Variants in IL1RAPL2 observed in about 807,000 individuals in gnomAD.
The protein encoded by IL1RAPL2 is X-linked interleukin-1 receptor accessory protein-like 2.
IL1RAPL2 carries 3 observed loss-of-function variants against 44.1 expected under a neutral mutation model. The observed-to-expected ratio is 0.07, with a 90% CI of 0.03 to 0.18. The LOEUF (loss-of-function observed/expected upper bound fraction) is 0.18, where lower values mean the gene tolerates loss of function less well. IL1RAPL2 is among the 10% of genes least tolerant of loss of function. The pLI is 1.00. For missense variants in IL1RAPL2, 391 were observed against 496.4 expected (o/e 0.79, Z 2.02); for synonymous variants, 181 against 178.8 (o/e 1.01, Z -0.10).
At chrX:105,175,590 G>A (rs1428754581) in intron 2 of IL1RAPL2, among the ~76,000 whole-genome samples, 5 of 110,761 alleles carry the variant, frequency 4.5e-5, no homozygotes, top group Admixed American at 2.9e-4. Context: ...TAATGATAAC[G>A]TTAACTAGGT....
At chrX:104,865,338 C>T (rs933415247) in intron 2 of IL1RAPL2, among the ~76,000 whole-genome samples, 2 of 111,375 alleles carry the variant, frequency 1.8e-5, no homozygotes, top group African/African-American at 3.3e-5. Context: ...GATTAGTGTG[C>T]TTCTGGTTGT....
chrX:105,664,699 G>C (rs1290052251), intron 6 of IL1RAPL2, among the ~76,000 whole-genome samples: 1 of 111,865 alleles, frequency 8.9e-6, no homozygotes, highest in Non-Finnish European at 1.9e-5. Context: ...CTCTGGATCA[G>C]AGGGCCATAA....
chrX:104,643,503 C>T (rs1359683486), intron 1 of IL1RAPL2, among the ~76,000 whole-genome samples: 2 of 111,476 alleles, frequency 1.8e-5, no homozygotes, highest in African/African-American at 3.3e-5. Context: ...GTGTGGTGAA[C>T]CAGTTGCTAC....
chrX:104,615,664 T>C lies in IL1RAPL2; in HGVS notation c.-19-43231T>C, dbSNP rs189319538. On this transcript the variant is annotated intron_variant, in intron 1 of 10. Coordinates refer to ENST00000372582, the MANE Select transcript of IL1RAPL2 (RefSeq NM_017416.2). ...TAGGTTGATTCCATGTATTTGCTAT[T>C]GTGAATAGTGCTGCAATGAACAATT... Among the ~76,000 whole-genome samples the C allele has an allele frequency of 1.4e-3, 156 of 111,974 alleles. 2 individuals carry two copies. Among genetic ancestry groups the C allele is most frequent in the Non-Finnish European group, 2.0e-3 (104 of 53,267 alleles).
intron 1 of IL1RAPL2, among the ~76,000 whole-genome samples, chrX:104,600,904 G>A (rs1401493472): frequency 2.7e-5 from 3 of 111,259 alleles, no homozygotes; most frequent in Non-Finnish European, 5.7e-5. Context: ...CATTTTCTTT[G>A]TCCAGTCCAC....
chrX:104,987,323 A>G (rs1253417452), intron 2 of IL1RAPL2, among the ~76,000 whole-genome samples: 2 of 110,652 alleles, frequency 1.8e-5, no homozygotes, highest in African/African-American at 6.6e-5. Flanking sequence ...GTGTGATACA[A>G]GCTTCTGGCA....
At chrX:105,480,239 C>T (rs2036225471) in intron 5 of IL1RAPL2, among the ~76,000 whole-genome samples, 1 of 111,872 alleles carries the variant, frequency 8.9e-6, no homozygotes, top group Admixed American at 9.5e-5. Flanking sequence ...GGAAATTGAC[C>T]AATCATTTCA....
At chrX:105,108,274 A>G (rs973459467) in intron 2 of IL1RAPL2, among the ~76,000 whole-genome samples, 6 of 111,592 alleles carry the variant, frequency 5.4e-5, no homozygotes, top group African/African-American at 2.0e-4. Flanking sequence ...GTACTTGACT[A>G]TACTCCTCTT....
chrX:105,086,139 A>G (rs753073533), intron 2 of IL1RAPL2, among the ~76,000 whole-genome samples: 3 of 111,692 alleles, frequency 2.7e-5, no homozygotes, highest in Admixed American at 1.9e-4. Flanking sequence ...CAGTATGTCA[A>G]AGAGATATCT....
At chrX:105,046,781 C>T (rs962039681) in intron 2 of IL1RAPL2, among the ~76,000 whole-genome samples, 1 of 104,907 alleles carries the variant, frequency 9.5e-6, no homozygotes, top group Non-Finnish European at 1.9e-5. Context: ...TTTCATTGTC[C>T]TTTCTCTACA....
intron 6 of IL1RAPL2, among the ~76,000 whole-genome samples, chrX:105,660,007 T>C (rs1013831625): frequency 1.2e-4 from 13 of 111,305 alleles, no homozygotes; most frequent in African/African-American, 3.6e-4. Context: ...TAGAAGAAGA[T>C]ATAAATATTC....
intron 5 of IL1RAPL2, among the ~76,000 whole-genome samples, chrX:105,355,506 A>G (rs2035195153): frequency 9.0e-6 from 1 of 111,174 alleles, no homozygotes; most frequent in South Asian, 3.8e-4. Context: ...CCTTTACCAT[A>G]GCACTCACCA....
At chrX:105,522,703 C>T (rs887290063) in intron 6 of IL1RAPL2, among the ~76,000 whole-genome samples, 30 of 112,075 alleles carry the variant, frequency 2.7e-4, no homozygotes, top group Admixed American at 1.9e-4. Context: ...ATAACCTGGA[C>T]ATCAGGATAT....
intron 2 of IL1RAPL2, among the ~76,000 whole-genome samples, chrX:104,766,223 C>G (rs1385088954): frequency 8.9e-6 from 1 of 112,337 alleles, no homozygotes; most frequent in African/African-American, 3.2e-5. Context: ...ACAATTGGCT[C>G]AATTTGCCTT....
At chrX:104,918,442 G>A (rs1243446919) in intron 2 of IL1RAPL2, among the ~76,000 whole-genome samples, 2 of 111,848 alleles carry the variant, frequency 1.8e-5, no homozygotes, top group Admixed American at 1.9e-4. Context: ...TAGAGGAGGA[G>A]CTGAAAAACT....
rs774752949 is a variant in IL1RAPL2, at chrX:104,644,320, C to A, written c.-19-14575C>A. Among the ~76,000 whole-genome samples, 104 of 111,672 alleles carry A rather than the reference C, an allele frequency of 9.3e-4. 1 individual carries two copies. Among genetic ancestry groups the A allele is most frequent in the Non-Finnish European group, 1.2e-3 (65 of 53,068 alleles). On this transcript the variant is annotated intron_variant, in intron 1 of 10. Coordinates refer to ENST00000372582, the MANE Select transcript of IL1RAPL2 (RefSeq NM_017416.2). ...AAAAATCCTAGAATGAACTACTTAA[C>A]TATTGAGAAGATATATGCCTCCTCA... is the stretch of plus-strand genomic sequence containing the variant.
chrX:104,828,791 C>A lies in IL1RAPL2; in HGVS notation c.82+169796C>A, dbSNP rs772687929. ...GGGAGTTTTATCTATAAGCCCCTGACTGGGGCTGTTGCCTTTCTTTCAGAG... is the reference window on the plus strand; with the variant it reads ...GGGAGTTTTATCTATAAGCCCCTGAATGGGGCTGTTGCCTTTCTTTCAGAG... On this transcript the variant is annotated intron_variant, in intron 2 of 10. Transcript: ENST00000372582. 2.7e-5 allele frequency among the ~76,000 whole-genome samples: 3 copies of A among 112,845 alleles called. No individual in the cohort carries two copies. The South Asian group carries it at 1.1e-3, about 41-fold the overall frequency.
chrX:105,046,940 C>G (rs2031847438), intron 2 of IL1RAPL2, among the ~76,000 whole-genome samples: 1 of 107,606 alleles, frequency 9.3e-6, no homozygotes, highest in Non-Finnish European at 1.9e-5. Flanking sequence ...GCAGATAGAA[C>G]CTTTCACATG....
chrX:105,032,552 A>G (rs1344453201), intron 2 of IL1RAPL2, among the ~76,000 whole-genome samples: 1 of 111,809 alleles, frequency 8.9e-6, no homozygotes, highest in Non-Finnish European at 1.9e-5. Context: ...AAGTTTCTTA[A>G]TCCTGAGTTC....
Sources: gnomAD v4.1 joint callset for allele counts (sites outside exome capture counted in the v4.1 genomes callset) on GRCh38, gnomAD v4.1.1 for gene constraint, MANE v1.5 for transcripts, NCBI Gene and HGNC (gene_info 2026-07-23, HGNC 2026-07-21) for gene names.